SPAG17: variants seen among roughly 807,000 people sequenced by gnomAD.
SPAG17 encodes the protein sperm associated antigen 17.
Under a neutral mutation model 273.6 loss-of-function variants are expected in SPAG17, and 169 were observed. That is an observed-to-expected ratio of 0.62 (90% CI 0.55 to 0.70). The LOEUF (loss-of-function observed/expected upper bound fraction) is 0.70, where lower values mean the gene tolerates loss of function less well. Ranked by LOEUF, SPAG17 falls within the 30% of genes least tolerant of loss-of-function variation. SPAG17 has a pLI of 0.00. For missense variants in SPAG17, 2,557 were observed against 2,627.8 expected (o/e 0.97, Z 0.59); for synonymous variants, 825 against 873.2 (o/e 0.94, Z 0.97).
chr1:118,043,513 A>G (rs1311597165), intron 20 of SPAG17, among the ~76,000 whole-genome samples: 1 of 152,236 alleles, frequency 6.6e-6, no homozygotes, highest in African/African-American at 2.4e-5. Flanking sequence ...GTGACATTTC[A>G]CTATTGTCTA....
At chr1:118,083,139 T>G (rs1272228529) in intron 13 of SPAG17, among the ~76,000 whole-genome samples, 1 of 152,150 alleles carries the variant, frequency 6.6e-6, no homozygotes. Context: ...GTATTTTTTG[T>G]AGAGATGGGT....
At position 117,981,369 on chromosome 1, in the gene SPAG17, A is replaced by T. The variant is rs1655780261; in HGVS notation, c.5905T>A (p.Ser1969Thr). The stretch of plus-strand genomic sequence containing the variant: ...TTTGGAAGACTAGGCACACTTGAGG[A>T]TTTCTGTTCTGAAACCTTATGTGGC... ...FKPHKVSEQKSSSVPSLPKPE... is the reference protein window; with the variant it reads ...FKPHKVSEQKTSSVPSLPKPE... The change falls in exon 43 of 49, where the codon TCC becomes ACC. Residue 1969 changes from serine (S) to threonine (T), a missense_variant. Ser to Thr is a moderately conservative substitution (Grantham distance 58). Transcript: ENST00000336338. 3 of 1,599,910 alleles carry T rather than the reference A, an allele frequency of 1.9e-6. No individual in the cohort carries two copies.
In SPAG17 at chr1:118,025,884, TA is replaced by T. The variant is rs1374305886; in HGVS notation, c.3731-469del. Among the ~76,000 whole-genome samples, 3 of 152,322 alleles carry T rather than the reference TA, an allele frequency of 2.0e-5. No individual in the cohort carries two copies. In the East Asian group the frequency reaches 5.8e-4, roughly 29 times the overall value. The stretch of plus-strand genomic sequence containing the variant: ...AATACTGGTTCTTTGATGACCTTGT[TA>T]CATTCAAAGGTAGTAAATTAGGTCA... On this transcript the variant is annotated intron_variant, in intron 26 of 48. Coordinates refer to ENST00000336338, the MANE Select transcript of SPAG17 (RefSeq NM_206996.4).
At chr1:117,974,030 G>A (rs1467861956) in intron 43 of SPAG17, among the ~76,000 whole-genome samples, 1 of 152,180 alleles carries the variant, frequency 6.6e-6, no homozygotes. Flanking sequence ...GTATTTCATG[G>A]TGTACACGTA....
At chr1:118,124,876 T>C (rs1657620032) in intron 3 of SPAG17, among the ~76,000 whole-genome samples, 1 of 152,160 alleles carries the variant, frequency 6.6e-6, no homozygotes, top group Non-Finnish European at 1.5e-5. Flanking sequence ...AGTGGGCCTT[T>C]TCACCCCTTA....
intron 18 of SPAG17, among the ~76,000 whole-genome samples, chr1:118,061,331 T>C (rs2102028589): frequency 6.6e-6 from 1 of 152,320 alleles, no homozygotes; most frequent in South Asian, 2.1e-4. Context: ...TTTAAATATG[T>C]GGTATATATG....
intron 18 of SPAG17, among the ~76,000 whole-genome samples, chr1:118,057,133 T>G (rs986910382): frequency 6.6e-6 from 1 of 152,060 alleles, no homozygotes; most frequent in Non-Finnish European, 1.5e-5. Context: ...CCTGCCACCA[T>G]GCCCGGCTTC....
At chr1:118,147,837 G>A (rs1476982135) in intron 3 of SPAG17, among the ~76,000 whole-genome samples, 1 of 152,126 alleles carries the variant, frequency 6.6e-6, no homozygotes, top group Non-Finnish European at 1.5e-5. Context: ...ATGTGGCTCT[G>A]ACACTATTTT....
chr1:118,180,427 T>G (rs1013664309), intron 1 of SPAG17, among the ~76,000 whole-genome samples: 2 of 152,034 alleles, frequency 1.3e-5, no homozygotes, highest in African/African-American at 4.8e-5. Flanking sequence ...GTGACAGTTA[T>G]CAGAGGCTGG....
intron 18 of SPAG17, among the ~76,000 whole-genome samples, chr1:118,060,292 A>G (rs913178811): frequency 2.4e-4 from 37 of 151,922 alleles, no homozygotes; most frequent in African/African-American, 2.4e-5. Context: ...CACAAAACAC[A>G]TATTTGTAGA....
intron 20 of SPAG17, among the ~76,000 whole-genome samples, chr1:118,053,630 T>C (rs1445291064): frequency 6.6e-6 from 1 of 151,804 alleles, no homozygotes; most frequent in Non-Finnish European, 1.5e-5. Context: ...GATATCTGAA[T>C]ATAAAAAATA....
At position 117,983,883 on chromosome 1, in the gene SPAG17, G is replaced by C; in HGVS notation, c.5800C>G (p.Leu1934Val). Reference protein sequence around the residue: ...YNHLDSLSKKLPSFTKKNEDA... With the variant: ...YNHLDSLSKKVPSFTKKNEDA... Reference sequence around the variant, plus strand: ...TCATTTTTCTTTGTAAAAGAAGGCAGTTTTTTGGAAAGACTGTCCAGGTGA... The same window carrying C: ...TCATTTTTCTTTGTAAAAGAAGGCACTTTTTTGGAAAGACTGTCCAGGTGA... The change falls in exon 42 of 49, where the codon CTG becomes GTG. Residue 1934 changes from leucine (L) to valine (V), a missense_variant. Transcript: ENST00000336338. 1 of 1,611,760 alleles carries C rather than the reference G, an allele frequency of 6.2e-7. No individual in the cohort carries two copies. The highest frequency in any genetic ancestry group is 1.1e-5 in the South Asian group (1 of 90,892).
chr1:118,079,474 T>TA (rs2102136704), intron 15 of SPAG17, among the ~76,000 whole-genome samples: 1 of 152,208 alleles, frequency 6.6e-6, no homozygotes, highest in African/African-American at 2.4e-5. Context: ...CATGGGTTTT[T>TA]ATGATTAACC....
chr1:118,074,533 C>T lies in SPAG17; in HGVS notation c.2271+6G>A. On this transcript the variant is annotated splice_donor_region_variant and intron_variant, in intron 16 of 48. Coordinates refer to ENST00000336338, the MANE Select transcript of SPAG17 (RefSeq NM_206996.4). Reference sequence around the variant, plus strand: ...CATCTACATTTTCAGAAAAATAATTCCTTACCTTTTCATGAGAATCAGCCT... The same window carrying T: ...CATCTACATTTTCAGAAAAATAATTTCTTACCTTTTCATGAGAATCAGCCT... 1 of 1,611,148 alleles carries T rather than the reference C, an allele frequency of 6.2e-7. No homozygotes were observed. Among genetic ancestry groups the T allele is most frequent in the Non-Finnish European group, 8.5e-7 (1 of 1,177,642 alleles).
chr1:117,988,018 C>A lies in SPAG17; in HGVS notation c.5621+87G>T, dbSNP rs1656631974. 2.1e-6 allele frequency: 3 copies of A among 1,416,480 alleles called. No homozygotes were observed. In the African/African-American group the frequency reaches 4.3e-5, roughly 20 times the overall value. The allele number at this position is 1,416,480 out of a possible 1,614,324, so 87.7% of individuals were successfully genotyped here. Reference sequence around the variant, plus strand: ...AGGGCTGTGAATTCATTGATGTAGTCACCAAAAGTTATAGCACCTGCATAT... The same window carrying A: ...AGGGCTGTGAATTCATTGATGTAGTAACCAAAAGTTATAGCACCTGCATAT... On this transcript the variant is annotated intron_variant, in intron 39 of 48. Transcript: ENST00000336338.
intron 3 of SPAG17, among the ~76,000 whole-genome samples, chr1:118,128,327 A>AATCGTG (rs1042923198): frequency 2.6e-5 from 4 of 152,108 alleles, no homozygotes; most frequent in African/African-American, 9.7e-5. Flanking sequence ...CTATGTATAA[A>AATCGTG]ATCGTGTCGA....
In SPAG17 at chr1:118,008,108, CT is replaced by C. The variant is rs758392759; in HGVS notation, c.4522del (p.Ser1508ValfsTer66). On this transcript the variant is annotated frameshift_variant, in exon 31 of 49. Coordinates refer to ENST00000336338, the MANE Select transcript of SPAG17 (RefSeq NM_206996.4). LOFTEE classifies it high-confidence loss of function. ...YATVIANCEDSSCCATFGDGT... is the reference protein window; with the variant it reads ...YATVIANCEDXSCCATFGDGT... ...ATCTCCAAAGGTGGCACAGCAGCTA[CT>C]GTCCTCACAGTTGGCGATAACAGTG... 3.1e-5 allele frequency: 50 copies of C among 1,614,112 alleles called. No individual in the cohort carries two copies. The Admixed American group carries it at 8.3e-4, about 27-fold the overall frequency.
chr1:118,060,213 G>A (rs1018218219), intron 18 of SPAG17, among the ~76,000 whole-genome samples: 3 of 151,500 alleles, frequency 2.0e-5, no homozygotes, highest in Admixed American at 6.6e-5. Flanking sequence ...TTTTTGCTTT[G>A]TGGTTACATA....
intron 1 of SPAG17, among the ~76,000 whole-genome samples, chr1:118,179,607 T>G (rs1660849062): frequency 6.6e-6 from 1 of 151,912 alleles, no homozygotes; most frequent in Admixed American, 6.6e-5. Context: ...CATATCAAGT[T>G]AAAAAGCTCT....
Sources: allele counts gnomAD v4.1 joint callset (sites outside exome capture counted in the v4.1 genomes callset), GRCh38; gene constraint gnomAD v4.1.1; transcripts MANE v1.5; gene names NCBI Gene and HGNC (gene_info 2026-07-23, HGNC 2026-07-21).